Variants in SCFD2 observed in about 807,000 individuals in gnomAD.
SCFD2 encodes the protein sec1 family domain containing 2.
In SCFD2, 54 loss-of-function variants were observed where a neutral mutation model predicts 58.9. The observed-to-expected ratio is 0.92, with a 90% CI of 0.74 to 1.15. The LOEUF (loss-of-function observed/expected upper bound fraction) is 1.15, where lower values mean the gene tolerates loss of function less well. Ranked by LOEUF, SCFD2 falls within the 50% of genes most tolerant of loss-of-function variation. The pLI, the probability that SCFD2 is intolerant of heterozygous loss-of-function variation, is 0.00. For missense variants in SCFD2, 805 were observed against 836.6 expected (o/e 0.96, Z 0.47); for synonymous variants, 321 against 335.9 (o/e 0.96, Z 0.49).
At position 52,920,860 on chromosome 4, in the gene SCFD2, A is replaced by C. The variant is rs772033262; in HGVS notation, c.1572T>G (p.Ser524=). 6.2e-7 allele frequency: 1 copy of C among 1,609,792 alleles called. No individual in the cohort carries two copies. The highest frequency in any genetic ancestry group is 8.5e-7 in the Non-Finnish European group (1 of 1,177,360). The change falls in exon 6 of 9, where the codon TCT becomes TCG. Residue 524 remains serine, a synonymous_variant. Transcript: ENST00000401642. ...ATTTGTGAAATGTCAGATTAATTGA[A>C]GAGTCCCAGTCTGAAAAAATCCAGA... ...PLLQKITDWD[S]SINLTFHKSK...
At chr4:53,070,814 T>C (rs1723792998) in intron 5 of SCFD2, among the ~76,000 whole-genome samples, 1 of 152,126 alleles carries the variant, frequency 6.6e-6, no homozygotes, top group Non-Finnish European at 1.5e-5. Context: ...TACATCTCTT[T>C]GAGATTCTGA....
chr4:53,310,790 C>T (rs1223537396), intron 3 of SCFD2, among the ~76,000 whole-genome samples: 1 of 152,070 alleles, frequency 6.6e-6, no homozygotes, highest in Non-Finnish European at 1.5e-5. Context: ...CATGAATTTA[C>T]CTTGTACTGA....
intron 5 of SCFD2, among the ~76,000 whole-genome samples, chr4:53,003,471 T>C (rs534304168): frequency 6.6e-6 from 1 of 152,342 alleles, no homozygotes; most frequent in Non-Finnish European, 1.5e-5. Context: ...AATGCAGATA[T>C]AGGACATTTC....
intron 4 of SCFD2, among the ~76,000 whole-genome samples, chr4:53,230,414 C>T (rs2149006557): frequency 6.6e-6 from 1 of 152,276 alleles, no homozygotes; most frequent in South Asian, 2.1e-4. Flanking sequence ...AAATGTGGCA[C>T]ATATACACCA....
intron 3 of SCFD2, among the ~76,000 whole-genome samples, chr4:53,306,708 T>G (rs1465456537): frequency 1.3e-5 from 2 of 152,120 alleles, no homozygotes; most frequent in African/African-American, 4.8e-5. Flanking sequence ...CTTAACTATA[T>G]CACATCATTG....
At chr4:53,012,818 G>T (rs1322675149) in intron 5 of SCFD2, among the ~76,000 whole-genome samples, 1 of 84,018 alleles carries the variant, frequency 1.2e-5, no homozygotes, top group African/African-American at 4.5e-5. Context: ...TCCTTTCTGT[G>T]TGTGTGTGTG....
chr4:52,971,528 A>G (rs1418898886), intron 5 of SCFD2, among the ~76,000 whole-genome samples: 2 of 152,222 alleles, frequency 1.3e-5, no homozygotes, highest in African/African-American at 2.4e-5. Flanking sequence ...AAAAGACCAA[A>G]TCTACATCTG....
At chr4:52,984,046 A>C (rs1343131823) in intron 5 of SCFD2, among the ~76,000 whole-genome samples, 1 of 152,192 alleles carries the variant, frequency 6.6e-6, no homozygotes. Context: ...ACTTCTCTGC[A>C]AAGCAGTTGG....
intron 5 of SCFD2, among the ~76,000 whole-genome samples, chr4:53,117,793 C>T (rs1725367517): frequency 6.6e-6 from 1 of 151,924 alleles, no homozygotes; most frequent in Admixed American, 6.6e-5. Flanking sequence ...ACCAAAACAC[C>T]ACATGCAATT....
chr4:53,158,578 A>G (rs73143457), intron 4 of SCFD2, among the ~76,000 whole-genome samples: 2 of 152,166 alleles, frequency 1.3e-5, no homozygotes, highest in African/African-American at 4.8e-5. Context: ...TTATATATCC[A>G]TCCCTTCTTA....
At chr4:53,034,109 T>C (rs1388496069) in intron 5 of SCFD2, among the ~76,000 whole-genome samples, 3 of 152,314 alleles carry the variant, frequency 2.0e-5, no homozygotes, top group East Asian at 1.9e-4. Flanking sequence ...AAAAAGCTTA[T>C]CCACCATGAT....
At chr4:52,899,670 G>T (rs552853162) in intron 7 of SCFD2, among the ~76,000 whole-genome samples, 2,066 of 152,164 alleles carry the variant, frequency 0.014, 53 homozygotes, top group African/African-American at 0.047. Flanking sequence ...GGCGTTCCCT[G>T]TATTTCCTGA....
chr4:52,917,055 AC>A (rs1332413309), intron 6 of SCFD2, among the ~76,000 whole-genome samples: 1 of 151,992 alleles, frequency 6.6e-6, no homozygotes, highest in African/African-American at 2.4e-5. Context: ...CTGCCACCAC[AC>A]CCACCTAATT....
chr4:53,208,041 T>A (rs922604085), intron 4 of SCFD2, among the ~76,000 whole-genome samples: 1 of 151,748 alleles, frequency 6.6e-6, no homozygotes, highest in African/African-American at 2.4e-5. Flanking sequence ...ACTGCAACTT[T>A]CACCTCCCAG....
chr4:52,887,998 C>T (rs1045796327), intron 7 of SCFD2, among the ~76,000 whole-genome samples: 1 of 147,374 alleles, frequency 6.8e-6, no homozygotes, highest in Non-Finnish European at 1.5e-5. Context: ...GCAAGCTCCG[C>T]TTCCCGGGTT....
At chr4:53,338,241 G>A (rs1733741958) in intron 2 of SCFD2, among the ~76,000 whole-genome samples, 1 of 152,194 alleles carries the variant, frequency 6.6e-6, no homozygotes, top group Admixed American at 6.5e-5. Context: ...TAGCAGCAAT[G>A]AGAAACTCAT....
chr4:53,229,625 A>G (rs1577868589), intron 4 of SCFD2, among the ~76,000 whole-genome samples: 3 of 152,304 alleles, frequency 2.0e-5, no homozygotes, highest in South Asian at 4.1e-4. Flanking sequence ...TTAATTCAAG[A>G]TGGATTAAAG....
chr4:53,092,925 C>G (rs1409375586), intron 5 of SCFD2, among the ~76,000 whole-genome samples: 1 of 151,920 alleles, frequency 6.6e-6, no homozygotes, highest in Non-Finnish European at 1.5e-5. Flanking sequence ...TGCTACTGTA[C>G]ATAGGTTGGT....
intron 3 of SCFD2, among the ~76,000 whole-genome samples, chr4:53,285,845 C>T (rs564382516): frequency 6.6e-6 from 1 of 152,198 alleles, no homozygotes; most frequent in South Asian, 2.1e-4. Flanking sequence ...CATTGCAGTC[C>T]TCACAGGTCA....
Sources: allele counts gnomAD v4.1 joint callset (sites outside exome capture counted in the v4.1 genomes callset), GRCh38; gene constraint gnomAD v4.1.1; transcripts MANE v1.5; gene names NCBI Gene and HGNC (gene_info 2026-07-23, HGNC 2026-07-21).